PTPRD: variants seen among roughly 807,000 people sequenced by gnomAD.
The protein encoded by PTPRD is receptor-type tyrosine-protein phosphatase delta.
Under a neutral mutation model 214.5 loss-of-function variants are expected in PTPRD, and 34 were observed. The ratio of observed to expected loss-of-function variants is 0.16; its 90% confidence interval spans 0.12 to 0.21. The LOEUF (loss-of-function observed/expected upper bound fraction) is 0.21. Ranked by LOEUF, PTPRD falls within the 10% of genes least tolerant of loss-of-function variation. The probability of loss-of-function intolerance (pLI) is 1.00; values close to 1 mark genes in which losing one functional copy is unlikely to be tolerated. For missense variants in PTPRD, 2,545 were observed against 2,398.7 expected, an observed-to-expected ratio of 1.06 and a Z score of -1.27; for synonymous variants, 1,128 against 845.7, an observed-to-expected ratio of 1.33 and a Z score of -5.79.
At chr9:10,069,801 A>G (rs1227828497) in intron 3 of PTPRD, among the ~76,000 whole-genome samples, 2 of 152,036 alleles carry the variant, frequency 1.3e-5, no homozygotes, top group Admixed American at 6.6e-5. Flanking sequence ...AAATGAACAA[A>G]CTGATATGTG....
At chr9:8,318,250 T>C (rs150335209) in intron 45 of PTPRD, among the ~76,000 whole-genome samples, 3 of 152,120 alleles carry the variant, frequency 2.0e-5, no homozygotes, top group East Asian at 1.9e-4. Context: ...TTACCACCAA[T>C]TGAACACATA....
chr9:8,634,605 A>T (rs1231094038), intron 13 of PTPRD, among the ~76,000 whole-genome samples: 1 of 152,000 alleles, frequency 6.6e-6, no homozygotes, highest in Admixed American at 6.6e-5. Flanking sequence ...TTTATTTTCA[A>T]CTCTATAAAG....
chr9:8,942,054 C>T (rs888372177), intron 11 of PTPRD, among the ~76,000 whole-genome samples: 2 of 152,148 alleles, frequency 1.3e-5, no homozygotes, highest in African/African-American at 4.8e-5. Flanking sequence ...GATCCATCTG[C>T]CTCAGCCTTC....
At chr9:10,464,277 T>C (rs1375452122) in intron 2 of PTPRD, among the ~76,000 whole-genome samples, 1 of 151,966 alleles carries the variant, frequency 6.6e-6, no homozygotes, top group Non-Finnish European at 1.5e-5. Flanking sequence ...TTTAAAAAGC[T>C]GGGCATGGCA....
chr9:8,330,833 A>ATAAACTCTCTC (rs1293365739), intron 44 of PTPRD, among the ~76,000 whole-genome samples: 1 of 152,130 alleles, frequency 6.6e-6, no homozygotes, highest in Non-Finnish European at 1.5e-5. Flanking sequence ...ATATTTTTTA[A>ATAAACTCTCTC]TAAACTCTCT....
intron 5 of PTPRD, among the ~76,000 whole-genome samples, chr9:9,873,557 G>A (rs2066050936): frequency 1.3e-5 from 2 of 152,098 alleles, no homozygotes; most frequent in Admixed American, 6.5e-5. Context: ...GGAGGGCACA[G>A]AATTTGTTAA....
At chr9:8,359,467 G>A (rs2077908959) in intron 39 of PTPRD, among the ~76,000 whole-genome samples, 1 of 152,112 alleles carries the variant, frequency 6.6e-6, no homozygotes, top group African/African-American at 2.4e-5. Flanking sequence ...TGGAATTACA[G>A]ACATATGCCA....
At chr9:9,845,866 G>A (rs576577462) in intron 5 of PTPRD, among the ~76,000 whole-genome samples, 31 of 152,148 alleles carry the variant, frequency 2.0e-4, no homozygotes, top group African/African-American at 6.3e-4. Context: ...TGTCAGTTAT[G>A]GAGCTATTCC....
intron 5 of PTPRD, among the ~76,000 whole-genome samples, chr9:9,863,244 G>C (rs1305952667): frequency 6.6e-6 from 1 of 152,200 alleles, no homozygotes; most frequent in Non-Finnish European, 1.5e-5. Context: ...CTAAGACAAA[G>C]ACAGAATGGA....
intron 12 of PTPRD, among the ~76,000 whole-genome samples, chr9:8,660,671 T>C (rs2097023914): frequency 6.6e-6 from 1 of 152,138 alleles, no homozygotes; most frequent in Admixed American, 6.5e-5. Flanking sequence ...TTCTTTCTTC[T>C]GCAATGACTT....
rs1171284714 is a variant in PTPRD at position 10,511,967 on chromosome 9, CGTGTGTGTGTATATATATATACGT to C, written c.-600+100407_-600+100430del. ...ATATACGTGTGTGTATATATATATACGTGTGTGTGTATATATATATACGTGTGTGTATATATATATATACGTGTG... is the reference window on the plus strand; with the variant it reads ...ATATACGTGTGTGTATATATATATACGTGTGTATATATATATATACGTGTG... On this transcript the variant is annotated intron_variant, in intron 2 of 45. Transcript: ENST00000381196. Among the ~76,000 whole-genome samples, 946 of 110,296 alleles carry C rather than the reference CGTGTGTGTGTATATATATATACGT, an allele frequency of 8.6e-3. 37 individuals are homozygous for C. Among genetic ancestry groups the C allele is most frequent in the Non-Finnish European group, 0.012 (662 of 56,208 alleles). The allele number at this position is 110,296 out of a possible 152,430, so 72.4% of individuals were successfully genotyped here.
At chr9:9,414,469 C>T (rs759183817) in intron 8 of PTPRD, among the ~76,000 whole-genome samples, 13 of 152,146 alleles carry the variant, frequency 8.5e-5, no homozygotes, top group South Asian at 2.1e-4. Context: ...TAGGGAAGGA[C>T]GGCCTTAAGG....
chr9:8,434,278 G>C (rs527567521), intron 35 of PTPRD, among the ~76,000 whole-genome samples: 1 of 152,270 alleles, frequency 6.6e-6, no homozygotes, highest in East Asian at 1.9e-4. Context: ...ACTGCGCCCA[G>C]CCTAAAAATC....
At chr9:8,486,554 T>G (rs1436914651) in intron 27 of PTPRD, 12 of 696,580 alleles carry the variant, frequency 1.7e-5, no homozygotes, top group Non-Finnish European at 2.9e-5. Context: ...GATACTAGAA[T>G]TTGATAATGG....
At chr9:8,660,174 T>C (rs1288041263) in intron 12 of PTPRD, among the ~76,000 whole-genome samples, 1 of 152,214 alleles carries the variant, frequency 6.6e-6, no homozygotes, top group Non-Finnish European at 1.5e-5. Flanking sequence ...GTTGAAATCT[T>C]TCTGAAATAT....
chr9:10,267,249 T>C (rs1378527642), intron 3 of PTPRD, among the ~76,000 whole-genome samples: 1 of 151,266 alleles, frequency 6.6e-6, no homozygotes, highest in Non-Finnish European at 1.5e-5. Context: ...CAGATGGAGT[T>C]ACACCAACAC....
At chr9:9,252,623 A>G (rs775105056) in intron 9 of PTPRD, among the ~76,000 whole-genome samples, 10 of 152,042 alleles carry the variant, frequency 6.6e-5, no homozygotes, top group Non-Finnish European at 1.3e-4. Context: ...CTAGGACTGC[A>G]GGTGCATACC....
intron 3 of PTPRD, among the ~76,000 whole-genome samples, chr9:10,086,394 G>A (rs1006285806): frequency 2.0e-5 from 3 of 151,618 alleles, no homozygotes; most frequent in African/African-American, 7.3e-5. Context: ...GATTGCTACT[G>A]AAGGAAAATT....
intron 8 of PTPRD, among the ~76,000 whole-genome samples, chr9:9,503,541 T>C (rs748780717): frequency 6.6e-6 from 1 of 151,696 alleles, no homozygotes; most frequent in Non-Finnish European, 1.5e-5. Flanking sequence ...GTTTGCTGAG[T>C]ACTACCATTT....
Sources: allele counts gnomAD v4.1 joint callset (sites outside exome capture counted in the v4.1 genomes callset), GRCh38; gene constraint gnomAD v4.1.1; transcripts MANE v1.5; gene names NCBI Gene and HGNC (gene_info 2026-07-23, HGNC 2026-07-21).